Variants in CNTN3 observed in about 807,000 individuals in gnomAD.
CNTN3 encodes contactin-3.
Under a neutral mutation model 119.1 loss-of-function variants are expected in CNTN3, and 60 were observed. The ratio of observed to expected loss-of-function variants is 0.50; its 90% CI spans 0.41 to 0.62. The LOEUF (loss-of-function observed/expected upper bound fraction) is 0.62. Among genes scored for constraint, CNTN3 ranks in the 20% least tolerant of loss-of-function variants. CNTN3 has a pLI of 0.00. For synonymous variants in CNTN3, 450 were observed against 438.7 expected (o/e 1.03, Z -0.32); for missense variants, 1,101 against 1,242.4 (o/e 0.89, Z 1.71).
At chr3:74,507,300 C>A (rs1486928545) in intron 2 of CNTN3, among the ~76,000 whole-genome samples, 2 of 151,894 alleles carry the variant, frequency 1.3e-5, no homozygotes, top group Non-Finnish European at 2.9e-5. Context: ...TGCCTATAGT[C>A]CCAGTTACTC....
At chr3:74,566,024 A>G (rs1363755834) in intron 1 of CNTN3, among the ~76,000 whole-genome samples, 2 of 152,096 alleles carry the variant, frequency 1.3e-5, no homozygotes. Context: ...TGCATTTAAG[A>G]CATGCCTTGC....
chr3:74,470,895 G>A (rs906685975), intron 4 of CNTN3, among the ~76,000 whole-genome samples: 7 of 151,980 alleles, frequency 4.6e-5, no homozygotes, highest in Non-Finnish European at 8.8e-5. Flanking sequence ...GTTGTTGTCT[G>A]AGATGGAGTC....
chr3:74,512,420 A>G (rs1703382450), intron 2 of CNTN3, among the ~76,000 whole-genome samples: 13 of 152,090 alleles, frequency 8.5e-5, no homozygotes, highest in Admixed American at 8.5e-4. Context: ...AAAGAGGGGG[A>G]AAAGGGGGAA....
chr3:74,581,360 G>A (rs567513588), intron 1 of CNTN3, among the ~76,000 whole-genome samples: 3 of 151,996 alleles, frequency 2.0e-5, no homozygotes, highest in African/African-American at 7.2e-5. Flanking sequence ...GAAAATAAAT[G>A]CTTAAAAACC....
At chr3:74,478,756 G>A (rs1393678305) in intron 4 of CNTN3, among the ~76,000 whole-genome samples, 1 of 152,030 alleles carries the variant, frequency 6.6e-6, no homozygotes, top group Non-Finnish European at 1.5e-5. Context: ...CCAGATAGCT[G>A]CAAAAAGGTT....
At chr3:74,352,997 G>A (rs1034824073) in intron 11 of CNTN3, among the ~76,000 whole-genome samples, 1 of 152,152 alleles carries the variant, frequency 6.6e-6, no homozygotes, top group African/African-American at 2.4e-5. Flanking sequence ...GGCAGTGGAA[G>A]GCTGAGAGAG....
chr3:74,602,152 G>A (rs1400033396), intron 1 of CNTN3, among the ~76,000 whole-genome samples: 3 of 151,644 alleles, frequency 2.0e-5, no homozygotes, highest in Admixed American at 6.6e-5. Flanking sequence ...AGCCAGGCAC[G>A]GTGGTGCATG....
chr3:74,415,896 C>A (rs1701511902), intron 5 of CNTN3, among the ~76,000 whole-genome samples: 1 of 152,120 alleles, frequency 6.6e-6, no homozygotes, highest in Non-Finnish European at 1.5e-5. Flanking sequence ...TATCAAACTC[C>A]CAGGAGACAG....
chr3:74,326,873 T>A (rs564861914), intron 13 of CNTN3, among the ~76,000 whole-genome samples: 2 of 152,276 alleles, frequency 1.3e-5, no homozygotes, highest in South Asian at 4.1e-4. Context: ...TTGTTGATGA[T>A]TTAAATAACA....
Position 74,263,911 on chromosome 3 carries a change from C to T in CNTN3, c.*490G>A, listed in dbSNP as rs912534022. Reference sequence around the variant, plus strand: ...ATTTTCCAACAATGCTCTTTTGAATCACATGCCACTCCTCTCCAACAAAAT... The same window carrying T: ...ATTTTCCAACAATGCTCTTTTGAATTACATGCCACTCCTCTCCAACAAAAT... On this transcript the variant is annotated 3_prime_UTR_variant, in exon 23 of 23. Coordinates refer to ENST00000263665, the MANE Select transcript of CNTN3 (RefSeq NM_020872.3). 2 of 152,116 alleles carry T rather than the reference C, an allele frequency of 1.3e-5. No individual in the cohort carries two copies. The highest frequency in any genetic ancestry group is 2.4e-5 in the African/African-American group (1 of 41,432). 9.4% of individuals were successfully genotyped at this position (152,116 alleles called of 1,614,324 possible).
intron 19 of CNTN3, among the ~76,000 whole-genome samples, chr3:74,286,835 T>C (rs28764189): frequency 0.42 from 64,514 of 152,040 alleles, 13,935 homozygotes; most frequent in South Asian, 0.6. Flanking sequence ...GGCTATCTTC[T>C]TGAGCAGTCG....
At chr3:74,481,265 T>C (rs1702758559) in intron 4 of CNTN3, among the ~76,000 whole-genome samples, 1 of 151,836 alleles carries the variant, frequency 6.6e-6, no homozygotes, top group East Asian at 1.9e-4. Flanking sequence ...CCAATGAACA[T>C]ATGGAGAACA....
At chr3:74,504,325 G>A (rs1418928236) in intron 2 of CNTN3, among the ~76,000 whole-genome samples, 3 of 152,108 alleles carry the variant, frequency 2.0e-5, no homozygotes, top group Non-Finnish European at 2.9e-5. Context: ...GGAATATTCC[G>A]TGCACTTACA....
intron 19 of CNTN3, among the ~76,000 whole-genome samples, chr3:74,293,812 C>T (rs1204105296): frequency 2.0e-5 from 3 of 152,198 alleles, no homozygotes; most frequent in African/African-American, 7.2e-5. Flanking sequence ...GCCCTTGTCT[C>T]CTCCATTCTT....
intron 1 of CNTN3, among the ~76,000 whole-genome samples, chr3:74,549,161 C>G (rs1703954320): frequency 6.6e-6 from 1 of 152,080 alleles, no homozygotes; most frequent in African/African-American, 2.4e-5. Context: ...AATGGTTTAG[C>G]CCCAACCCCC....
chr3:74,467,716 G>T (rs1273199389), intron 4 of CNTN3, among the ~76,000 whole-genome samples: 1 of 152,100 alleles, frequency 6.6e-6, no homozygotes, highest in African/African-American at 2.4e-5. Context: ...CCAAGCAGCT[G>T]CTACCTTCAC....
At chr3:74,449,360 G>C (rs1219268143) in intron 4 of CNTN3, among the ~76,000 whole-genome samples, 2 of 151,888 alleles carry the variant, frequency 1.3e-5, no homozygotes, top group Admixed American at 1.3e-4. Flanking sequence ...AATTATTTAT[G>C]TACTCTTTTA....
At chr3:74,419,301 A>G (rs1173841686) in intron 5 of CNTN3, among the ~76,000 whole-genome samples, 1 of 152,156 alleles carries the variant, frequency 6.6e-6, no homozygotes, top group African/African-American at 2.4e-5. Flanking sequence ...AAGTCTTCCT[A>G]GAGATGAAAA....
intron 5 of CNTN3, among the ~76,000 whole-genome samples, chr3:74,416,704 C>T (rs1358201002): frequency 1.3e-5 from 2 of 152,056 alleles, no homozygotes; most frequent in South Asian, 2.1e-4. Flanking sequence ...AAGCAACTGA[C>T]CAGCTGGGCG....
Sources: gnomAD v4.1 joint callset for allele counts (sites outside exome capture counted in the v4.1 genomes callset) on GRCh38, gnomAD v4.1.1 for gene constraint, MANE v1.5 for transcripts, NCBI Gene and HGNC (gene_info 2026-07-23, HGNC 2026-07-21) for gene names.